The following CCDC171 variants were observed in gnomAD, a reference collection of about 807,000 sequenced individuals.
CCDC171 encodes coiled-coil domain-containing protein 171.
CCDC171 carries 177 observed loss-of-function variants against 168.2 expected under a neutral mutation model. The ratio of observed to expected loss-of-function variants is 1.05; its 90% CI spans 0.93 to 1.19. The LOEUF is 1.19. Ranked by LOEUF, CCDC171 falls within the 50% of genes most tolerant of loss-of-function variation. The probability of loss-of-function intolerance (pLI) is 0.00; values close to 1 mark genes in which losing one functional copy is unlikely to be tolerated. For missense variants in CCDC171, 1,991 were observed against 1,539.0 expected (o/e 1.29, Z -4.91); for synonymous variants, 687 against 540.8 (o/e 1.27, Z -3.75).
At chr9:15,839,709 T>TA (rs1400472662) in intron 21 of CCDC171, among the ~76,000 whole-genome samples, 1 of 152,160 alleles carries the variant, frequency 6.6e-6, no homozygotes, top group African/African-American at 2.4e-5. Flanking sequence ...GTTGAATACT[T>TA]ACAATATGAG....
chr9:15,644,171 A>G (rs762962023), intron 7 of CCDC171, among the ~76,000 whole-genome samples: 2 of 152,112 alleles, frequency 1.3e-5, no homozygotes, highest in South Asian at 2.1e-4. Flanking sequence ...CAGCCAAACC[A>G]TTTTACATTC....
chr9:16,064,893 G>T (rs538681648), downstream of CCDC171, among the ~76,000 whole-genome samples: 1 of 152,280 alleles, frequency 6.6e-6, no homozygotes, highest in Admixed American at 6.5e-5. Flanking sequence ...TCTACTTATG[G>T]CCTTTCCTGT....
chr9:15,837,955 A>T (rs577753003), intron 21 of CCDC171, among the ~76,000 whole-genome samples: 1 of 152,206 alleles, frequency 6.6e-6, no homozygotes, highest in African/African-American at 2.4e-5. Flanking sequence ...TTTTAAAACC[A>T]TAGCCGAAAT....
intron 24 of CCDC171, among the ~76,000 whole-genome samples, chr9:15,907,876 C>T (rs202120043): frequency 6.6e-6 from 1 of 152,332 alleles, no homozygotes; most frequent in East Asian, 1.9e-4. Context: ...AAAGGAGACA[C>T]TTATGCAGCC....
chr9:15,991,179 A>T (rs1832184794), intron 3 of CCDC171, among the ~76,000 whole-genome samples: 1 of 152,214 alleles, frequency 6.6e-6, no homozygotes, highest in African/African-American at 2.4e-5. Flanking sequence ...ATTGGACGTA[A>T]AGCACTCCAC....
chr9:15,562,425 C>G (rs1200308473), intron 1 of CCDC171, among the ~76,000 whole-genome samples: 1 of 152,110 alleles, frequency 6.6e-6, no homozygotes, highest in Non-Finnish European at 1.5e-5. Flanking sequence ...TATCAGTGAG[C>G]TAGAAGTAGA....
At chr9:15,577,632 C>G (rs1374022531) in intron 3 of CCDC171, among the ~76,000 whole-genome samples, 3 of 152,172 alleles carry the variant, frequency 2.0e-5, no homozygotes, top group African/African-American at 4.8e-5. Flanking sequence ...AAACAGAAAC[C>G]ATTCTAAGTC....
At chr9:15,738,952 AT>A (rs1253335171) in intron 16 of CCDC171, among the ~76,000 whole-genome samples, 1 of 152,198 alleles carries the variant, frequency 6.6e-6, no homozygotes, top group Non-Finnish European at 1.5e-5. Flanking sequence ...GGGTTATTTA[AT>A]TCCTTCAATA....
intron 25 of CCDC171, among the ~76,000 whole-genome samples, chr9:15,968,195 C>T (rs771878344): frequency 1.1e-4 from 17 of 152,128 alleles, no homozygotes; most frequent in Non-Finnish European, 7.4e-5. Context: ...ATTCACATGA[C>T]GCCTAGCTTT....
In CCDC171 at chr9:15,630,935, G is replaced by A. The variant is rs916615189; in HGVS notation, c.822+7522G>A. ...CCTGAATGACTGCTGGGTACATAACGAAATGAAGACAGAAATAAAGATGTT... is the reference window on the plus strand; with the variant it reads ...CCTGAATGACTGCTGGGTACATAACAAAATGAAGACAGAAATAAAGATGTT... On this transcript the variant is annotated intron_variant, in intron 7 of 25. Coordinates refer to ENST00000380701, the MANE Select transcript of CCDC171 (RefSeq NM_173550.4). Among the ~76,000 whole-genome samples the A allele has an allele frequency of 8.5e-5, 13 of 152,102 alleles. 1 individual carries two copies. The highest frequency in any genetic ancestry group is 2.7e-4 in the African/African-American group (11 of 41,416).
intron 9 of CCDC171, among the ~76,000 whole-genome samples, chr9:15,667,225 A>C (rs2048795158): frequency 6.6e-6 from 1 of 152,208 alleles, no homozygotes; most frequent in Non-Finnish European, 1.5e-5. Context: ...GGTGAAATTC[A>C]TACTACCATT....
intron 16 of CCDC171, among the ~76,000 whole-genome samples, chr9:15,730,020 G>T (rs1207812020): frequency 6.6e-6 from 1 of 151,914 alleles, no homozygotes; most frequent in African/African-American, 2.4e-5. Context: ...AAATATATGG[G>T]TTTCTGATTA....
chr9:15,929,036 A>G (rs1327165861), intron 25 of CCDC171, among the ~76,000 whole-genome samples: 1 of 151,370 alleles, frequency 6.6e-6, no homozygotes, highest in Non-Finnish European at 1.5e-5. Context: ...TTATGTAAAT[A>G]TAAGTATACA....
intron 1 of CCDC171, among the ~76,000 whole-genome samples, chr9:16,047,355 C>A (rs1207683159): frequency 6.6e-6 from 1 of 152,158 alleles, no homozygotes. Context: ...ATCCTAACCA[C>A]CTGCCTTTCA....
chr9:16,081,401 G>A, the CCDC171 span, among the ~76,000 whole-genome samples: 21 of 152,160 alleles, frequency 1.4e-4, no homozygotes, highest in African/African-American at 4.6e-4. Context: ...ACAGTGTTGG[G>A]CATGAGAACT....
At chr9:15,657,060 A>G in intron 7 of CCDC171, 67 bp from the exon 8 acceptor site, 1 of 846,634 alleles carries the variant, frequency 1.2e-6, no homozygotes, top group South Asian at 1.9e-5. Flanking sequence ...ATAATGCTGG[A>G]CTGTAGTGAT....
chr9:15,950,134 CAA>C (rs1828946159), intron 25 of CCDC171, among the ~76,000 whole-genome samples: 1 of 151,932 alleles, frequency 6.6e-6, no homozygotes, highest in Non-Finnish European at 1.5e-5. Context: ...GTGAAAAGAC[CAA>C]ATCTACGTCT....
chr9:15,946,846 A>C (rs1589212901), intron 25 of CCDC171, among the ~76,000 whole-genome samples: 1 of 151,970 alleles, frequency 6.6e-6, no homozygotes, highest in Non-Finnish European at 1.5e-5. Context: ...TGCCTAAGTA[A>C]ATGTTGTTTA....
intron 25 of CCDC171, among the ~76,000 whole-genome samples, chr9:15,962,261 C>G (rs778267628): frequency 1.3e-5 from 2 of 152,156 alleles, no homozygotes; most frequent in Non-Finnish European, 2.9e-5. Context: ...AAGCATTTGT[C>G]CATGTTATCC....
Sources: allele counts gnomAD v4.1 joint callset (sites outside exome capture counted in the v4.1 genomes callset), GRCh38; gene constraint gnomAD v4.1.1; transcripts MANE v1.5; gene names NCBI Gene and HGNC (gene_info 2026-07-23, HGNC 2026-07-21).